The following CEP162 variants were observed in gnomAD, a reference collection of about 807,000 sequenced individuals.
CEP162 encodes the protein centrosomal protein of 162 kDa.
In CEP162, 141 loss-of-function variants were observed where a neutral mutation model predicts 169.2. The ratio of observed to expected loss-of-function variants is 0.83; its 90% CI spans 0.73 to 0.96. CEP162 has a LOEUF of 0.96. Among genes scored for constraint, CEP162 ranks in the 40% least tolerant of loss-of-function variants. The probability of loss-of-function intolerance (pLI) is 0.00; values close to 1 mark genes in which losing one functional copy is unlikely to be tolerated. For missense variants in CEP162, 1,600 were observed against 1,587.2 expected (o/e 1.01, Z -0.14); for synonymous variants, 540 against 526.4 (o/e 1.03, Z -0.35).
At chr6:84,196,586 T>A (rs1193785685) in intron 9 of CEP162, among the ~76,000 whole-genome samples, 2 of 151,968 alleles carry the variant, frequency 1.3e-5, no homozygotes, top group Non-Finnish European at 2.9e-5. Context: ...TTTTCAAAAT[T>A]AGAGGAAAAT....
chr6:84,155,197 G>A (rs1049217854), intron 22 of CEP162, 101 bp downstream of exon 22: 14 of 904,274 alleles, frequency 1.5e-5, no homozygotes, highest in Non-Finnish European at 2.4e-5. Flanking sequence ...AGGTTTCATG[G>A]GAAAGAATGT....
intron 24 of CEP162, among the ~76,000 whole-genome samples, chr6:84,148,905 T>A (rs1381701594): frequency 6.6e-6 from 1 of 152,150 alleles, no homozygotes; most frequent in Non-Finnish European, 1.5e-5. Context: ...GCTATTTTTA[T>A]AAGTGACAAA....
intron 13 of CEP162, among the ~76,000 whole-genome samples, chr6:84,184,169 T>C (rs941177344): frequency 6.6e-6 from 1 of 152,164 alleles, no homozygotes; most frequent in Non-Finnish European, 1.5e-5. Context: ...AAAACATTGC[T>C]AAAGCAATTC....
chr6:84,125,342 T>C (rs1339957033), intron 26 of CEP162, 66 bp from the exon 27 acceptor site: 2 of 1,421,010 alleles, frequency 1.4e-6, no homozygotes, highest in Non-Finnish European at 2.0e-6. Flanking sequence ...CATTTAACAA[T>C]CTTAAAGTAG....
At chr6:84,175,132 T>C (rs551357277) in intron 14 of CEP162, 82 bp downstream of exon 14, 5 of 991,252 alleles carry the variant, frequency 5.0e-6, no homozygotes, top group Non-Finnish European at 7.2e-6. Flanking sequence ...TTTCAGTCCT[T>C]ATTATATTTT....
Position 84,185,419 on chromosome 6 carries a change from T to G in CEP162, c.1431A>C (p.Glu477Asp), listed in dbSNP as rs761675392. The G allele has an allele frequency of 6.2e-7, 1 of 1,613,464 alleles. No individual in the cohort carries two copies. Among genetic ancestry groups the G allele is most frequent in the Non-Finnish European group, 8.5e-7 (1 of 1,179,498 alleles). ...KTYRSQLSSE[E>D]EGAVMGKQVP... is the part of the protein sequence containing the mutation. Reference sequence around the variant, plus strand: ...CCTGTTTACCCATTACAGCCCCTTCTTCTTCAGAACTAAGTTGAGATCTGT... The same window carrying G: ...CCTGTTTACCCATTACAGCCCCTTCGTCTTCAGAACTAAGTTGAGATCTGT... Residue 477 changes from glutamate (E) to aspartate (D), a missense_variant, in exon 13 of 27, where the codon GAA (glutamate) becomes GAC (aspartate). By Grantham distance (45) the Glu-to-Asp change is conservative. Transcript: ENST00000403245.
chr6:84,176,615 G>T (rs577491735), intron 13 of CEP162, among the ~76,000 whole-genome samples: 1 of 152,126 alleles, frequency 6.6e-6, no homozygotes, highest in Non-Finnish European at 1.5e-5. Context: ...TCAACATGAC[G>T]CTCATAGAAA....
intron 6 of CEP162, among the ~76,000 whole-genome samples, chr6:84,206,330 C>T (rs1408348312): frequency 1.3e-5 from 2 of 151,152 alleles, no homozygotes; most frequent in Non-Finnish European, 2.9e-5. Flanking sequence ...CACTACAAGG[C>T]TACAGTAAGC....
At chr6:84,173,322 T>C (rs2099530953) in intron 16 of CEP162, among the ~76,000 whole-genome samples, 2 of 152,186 alleles carry the variant, frequency 1.3e-5, no homozygotes, top group Admixed American at 1.3e-4. Context: ...AAAATGCACT[T>C]AATACCCTGA....
At chr6:84,218,973 A>C (rs778645154) in intron 3 of CEP162, 65 of 303,674 alleles carry the variant, frequency 2.1e-4, no homozygotes, top group Non-Finnish European at 3.6e-4. Flanking sequence ...AGTTATTTAC[A>C]ATAAAGAATA....
chr6:84,178,654 T>C (rs907865953), intron 13 of CEP162, among the ~76,000 whole-genome samples: 52 of 152,260 alleles, frequency 3.4e-4, no homozygotes, highest in Non-Finnish European at 5.6e-4. Flanking sequence ...GCAAACCTTA[T>C]CTCCTTTTCT....
intron 2 of CEP162, among the ~76,000 whole-genome samples, chr6:84,225,048 T>C (rs1179752499): frequency 6.6e-6 from 1 of 152,160 alleles, no homozygotes; most frequent in African/African-American, 2.4e-5. Flanking sequence ...GATAATGAAG[T>C]TTTTTTGTAC....
At chr6:84,222,097 C>T (rs141076169) in intron 2 of CEP162, among the ~76,000 whole-genome samples, 6 of 152,126 alleles carry the variant, frequency 3.9e-5, no homozygotes, top group Admixed American at 6.5e-5. Context: ...CTTATCCCTA[C>T]GTCCCTTTTA....
chr6:84,148,377 A>C (rs1182197471), intron 24 of CEP162, among the ~76,000 whole-genome samples: 1 of 152,002 alleles, frequency 6.6e-6, no homozygotes, highest in East Asian at 1.9e-4. Flanking sequence ...AAAAATATAA[A>C]AATTAGTCAG....
rs569499828 is a variant in CEP162 at position 84,130,509 on chromosome 6, C to T, written c.3871-3997G>A. On this transcript the variant is annotated intron_variant, in intron 25 of 26. Coordinates refer to ENST00000403245, the MANE Select transcript of CEP162 (RefSeq NM_014895.4). ...TCCTGGACTTTTTTTGGTTGGTAGGCTATTAATTACTCCCTCAATTTCAGA... is the reference window on the plus strand; with the variant it reads ...TCCTGGACTTTTTTTGGTTGGTAGGTTATTAATTACTCCCTCAATTTCAGA... Among the ~76,000 whole-genome samples, 54 of 152,232 alleles carry T rather than the reference C, an allele frequency of 3.5e-4. No homozygotes were observed. The South Asian group carries it at 0.011, about 31-fold the overall frequency.
At chr6:84,201,298 C>G (rs771003050) in intron 8 of CEP162, among the ~76,000 whole-genome samples, 2 of 151,826 alleles carry the variant, frequency 1.3e-5, no homozygotes, top group African/African-American at 2.4e-5. Flanking sequence ...AACAAACAAA[C>G]AAACAAACAA....
At position 84,174,548 on chromosome 6, in the gene CEP162, G is replaced by T. The variant is rs141690315; in HGVS notation, c.2025+179C>A. On this transcript the variant is annotated intron_variant, in intron 15 of 26. Transcript: ENST00000403245. The stretch of plus-strand genomic sequence containing the variant: ...TTTAAATTTAATTTTCTCCCCCAAG[G>T]GTTCAAAATTTAGGCTCTCATGTAC... Among the ~76,000 whole-genome samples, 89 of 152,124 alleles carry T rather than the reference G, an allele frequency of 5.9e-4. 1 individual carries two copies. Among genetic ancestry groups the T allele is most frequent in the African/African-American group, 2.0e-3 (83 of 41,508 alleles).
intron 18 of CEP162, among the ~76,000 whole-genome samples, chr6:84,167,580 T>C (rs1457820207): frequency 4.6e-5 from 7 of 152,182 alleles, no homozygotes; most frequent in African/African-American, 1.7e-4. Flanking sequence ...GAATACTGTG[T>C]TGCTTGGGTT....
chr6:84,214,578 G>C (rs1003734441), intron 5 of CEP162, among the ~76,000 whole-genome samples: 2 of 152,150 alleles, frequency 1.3e-5, no homozygotes, highest in African/African-American at 4.8e-5. Flanking sequence ...TTTATCCACT[G>C]TCTATAAAAA....
Sources: allele counts gnomAD v4.1 joint callset (sites outside exome capture counted in the v4.1 genomes callset), GRCh38; gene constraint gnomAD v4.1.1; transcripts MANE v1.5; gene names NCBI Gene and HGNC (gene_info 2026-07-23, HGNC 2026-07-21).